VPS35L: variants seen among roughly 807,000 people sequenced by gnomAD.
VPS35L encodes the protein VPS35 endosomal protein-sorting factor-like.
In VPS35L, 83 loss-of-function variants were observed where a neutral mutation model predicts 133.0. The ratio of observed to expected loss-of-function variants is 0.62; its 90% confidence interval spans 0.52 to 0.75. The LOEUF is 0.75. Among genes scored for constraint, VPS35L ranks in the 30% least tolerant of loss-of-function variants. VPS35L has a pLI of 0.00. For missense variants in VPS35L, 1,083 were observed against 1,206.8 expected (o/e 0.90, Z 1.52); for synonymous variants, 423 against 449.9 (o/e 0.94, Z 0.76).
intron 18 of VPS35L, among the ~76,000 whole-genome samples, chr16:19,631,763 C>T (rs1401977076): frequency 1.3e-5 from 2 of 152,054 alleles, no homozygotes; most frequent in Non-Finnish European, 1.5e-5. Context: ...GACTGGAGTC[C>T]AGTGGTGCAA....
At chr16:19,591,394 TG>T (rs1279519105) in intron 7 of VPS35L, among the ~76,000 whole-genome samples, 2 of 152,132 alleles carry the variant, frequency 1.3e-5, no homozygotes, top group African/African-American at 4.8e-5. Flanking sequence ...AAGGCTTTCC[TG>T]AAGAAGGTGA....
chr16:19,627,232 A>G (rs965933017), intron 15 of VPS35L, among the ~76,000 whole-genome samples: 10 of 151,844 alleles, frequency 6.6e-5, no homozygotes, highest in African/African-American at 2.4e-4. Flanking sequence ...GCAGTGAGCC[A>G]AGATCGTGAC....
chr16:19,558,458 G>T (rs973347310), intron 1 of VPS35L, among the ~76,000 whole-genome samples: 1 of 152,158 alleles, frequency 6.6e-6, no homozygotes, highest in East Asian at 1.9e-4. Flanking sequence ...TCTGGCTTGC[G>T]GGGTTCCCCA....
intron 8 of VPS35L, among the ~76,000 whole-genome samples, chr16:19,593,649 C>T (rs941922948): frequency 3.3e-5 from 5 of 151,246 alleles, no homozygotes; most frequent in South Asian, 2.1e-4. Flanking sequence ...CATGGTGGCT[C>T]ATCACACTTG....
At chr16:19,598,130 C>A (rs1374741236) in intron 8 of VPS35L, among the ~76,000 whole-genome samples, 1 of 152,102 alleles carries the variant, frequency 6.6e-6, no homozygotes, top group African/African-American at 2.4e-5. Flanking sequence ...TGAACTTGAG[C>A]CTCAGTTTCT....
rs548052179 is a variant in VPS35L, at chr16:19,633,193, A to G, written c.1635+21A>G. 42 of 1,602,878 alleles carry G rather than the reference A, an allele frequency of 2.6e-5. No homozygotes were observed. Among genetic ancestry groups the G allele is most frequent in the Non-Finnish European group, 3.6e-5 (42 of 1,169,832 alleles). ...CCCAGGTAACAGATTTGCATTTCTC[A>G]TTTCAACATTGTTAGGAATTTTGTT... On this transcript the variant is annotated intron_variant, in intron 19 of 30. Transcript: ENST00000417362. This position sits in a 1 kb window ranked among gnomAD's most constrained non-coding sequence, Gnocchi z 4.1.
chr16:19,621,928 T>C (rs1197001294), intron 14 of VPS35L, among the ~76,000 whole-genome samples: 2 of 152,162 alleles, frequency 1.3e-5, no homozygotes, highest in Non-Finnish European at 2.9e-5. Flanking sequence ...TAGTTAATCT[T>C]TCCAGAATTG....
chr16:19,631,347 C>T (rs1474655871), intron 18 of VPS35L, among the ~76,000 whole-genome samples: 3 of 152,090 alleles, frequency 2.0e-5, no homozygotes, highest in South Asian at 2.1e-4. Context: ...TAAGTGACCC[C>T]GCAGAACCCC....
chr16:19,668,619 T>TGC (rs927367425), intron 26 of VPS35L, among the ~76,000 whole-genome samples: 12 of 151,926 alleles, frequency 7.9e-5, no homozygotes, highest in African/African-American at 2.7e-4. Context: ...TGTGTGTGTG[T>TGC]GCTGTGTTCC....
intron 27 of VPS35L, among the ~76,000 whole-genome samples, chr16:19,671,094 T>C (rs1974857586): frequency 6.6e-6 from 1 of 152,216 alleles, no homozygotes; most frequent in African/African-American, 2.4e-5. Context: ...CACAGAAGCA[T>C]TGAAAAAATA....
At chr16:19,560,793 C>T (rs189447787) in intron 1 of VPS35L, among the ~76,000 whole-genome samples, 1 of 147,978 alleles carries the variant, frequency 6.8e-6, no homozygotes, top group East Asian at 2.0e-4. Flanking sequence ...AATACTCTGT[C>T]TAAAAAAAAA....
At chr16:19,630,770 T>G (rs2151568419) in intron 18 of VPS35L, among the ~76,000 whole-genome samples, 1 of 152,072 alleles carries the variant, frequency 6.6e-6, no homozygotes, top group African/African-American at 2.4e-5. Context: ...AGAGTCCTTA[T>G]GAAGGAGATT....
chr16:19,676,345 A>G (rs1288008140), intron 27 of VPS35L, among the ~76,000 whole-genome samples: 2 of 152,230 alleles, frequency 1.3e-5, no homozygotes, highest in Non-Finnish European at 2.9e-5. Context: ...ATGTGGGAGT[A>G]AACAGTCCCC....
At chr16:19,617,300 A>G (rs1483845479) in intron 14 of VPS35L, 4 of 266,198 alleles carry the variant, frequency 1.5e-5, no homozygotes, top group African/African-American at 4.4e-5. Flanking sequence ...CAAGGCTACA[A>G]TGAGCTGTGA....
At chr16:19,677,279 T>G (rs976567927) in intron 27 of VPS35L, among the ~76,000 whole-genome samples, 2 of 152,064 alleles carry the variant, frequency 1.3e-5, no homozygotes, top group Admixed American at 1.3e-4. Context: ...GAGATGGGGT[T>G]TCACCATCTT....
intron 12 of VPS35L, among the ~76,000 whole-genome samples, chr16:19,611,087 C>G (rs1972703955): frequency 6.6e-6 from 1 of 152,238 alleles, no homozygotes; most frequent in Admixed American, 6.5e-5. Context: ...TCAACCTCCA[C>G]CGCCTGGGTT....
chr16:19,616,064 C>A, intron 12 of VPS35L, 50 bp from the exon 13 acceptor site: 2 of 1,405,248 alleles, frequency 1.4e-6, no homozygotes, highest in South Asian at 2.7e-5. Flanking sequence ...AAAATAAAAT[C>A]ATACTATAGT....
chr16:19,655,493 T>C (rs1974267726), intron 26 of VPS35L, among the ~76,000 whole-genome samples: 1 of 152,226 alleles, frequency 6.6e-6, no homozygotes. Context: ...GTTCATTTTG[T>C]TGCCTCCCTT....
Position 19,679,990 on chromosome 16 carries a change from C to G in VPS35L, c.2362-2235C>G, listed in dbSNP as rs867321376. Among the ~76,000 whole-genome samples the G allele has an allele frequency of 2.6e-5, 4 of 152,316 alleles. No homozygotes were observed. In the Middle Eastern group the frequency reaches 0.014, roughly 518 times the overall value. On this transcript the variant is annotated intron_variant, in intron 27 of 30. Coordinates refer to ENST00000417362, the MANE Select transcript of VPS35L (RefSeq NM_020314.7). ...AGTAGCTGACTGCATGTATGCCTCC[C>G]CCTGTTCACAAGTTCTATAAAGTCA...
Sources: allele counts gnomAD v4.1 joint callset (sites outside exome capture counted in the v4.1 genomes callset), GRCh38; gene constraint gnomAD v4.1.1; non-coding constraint Gnocchi (gnomAD v3.1); transcripts MANE v1.5; gene names NCBI Gene and HGNC (gene_info 2026-07-23, HGNC 2026-07-21).